The following KIAA0825 variants were observed in gnomAD, a reference collection of about 807,000 sequenced individuals.
The protein encoded by KIAA0825 is uncharacterized protein KIAA0825.
A neutral mutation model predicts 147.6 loss-of-function variants in KIAA0825; 119 were observed. That is an observed-to-expected ratio of 0.81 (90% CI 0.69 to 0.94). The LOEUF is 0.94. Ranked by LOEUF, KIAA0825 falls within the 40% of genes least tolerant of loss-of-function variation. KIAA0825 has a pLI of 0.00. For synonymous variants in KIAA0825, 470 were observed against 518.1 expected (o/e 0.91, Z 1.26); for missense variants, 1,381 against 1,472.7 (o/e 0.94, Z 1.02).
intron 20 of KIAA0825, among the ~76,000 whole-genome samples, chr5:94,374,773 CA>C (rs1209500850): frequency 6.6e-6 from 1 of 152,192 alleles, no homozygotes; most frequent in Non-Finnish European, 1.5e-5. Flanking sequence ...ATCAGCAACT[CA>C]GTCTGAAGTT....
chr5:94,275,322 C>A (rs1029375053), intron 20 of KIAA0825, among the ~76,000 whole-genome samples: 2 of 152,078 alleles, frequency 1.3e-5, no homozygotes, highest in Non-Finnish European at 2.9e-5. Flanking sequence ...GTGATCTTTG[C>A]AATGGATATC....
intron 2 of KIAA0825, among the ~76,000 whole-genome samples, chr5:94,547,715 C>G (rs986455897): frequency 1.5e-5 from 2 of 134,670 alleles, no homozygotes; most frequent in Admixed American, 1.7e-4. Context: ...CCAGCCTGCA[C>G]GACAGGGTAA....
Position 94,394,013 on chromosome 5 carries a change from A to AT in KIAA0825, c.3296+2087dup, listed in dbSNP as rs979059223. Among the ~76,000 whole-genome samples the AT allele has an allele frequency of 1.0e-4, 15 of 149,788 alleles. No homozygotes were observed. The South Asian group carries it at 1.1e-3, about 11-fold the overall frequency. ...AGGTGCCTACCACCACACCCAGCTA[A>AT]TTTTTTTTTTGTATTTTTTGTAGAG... On this transcript the variant is annotated intron_variant, in intron 17 of 20. Transcript: ENST00000682413.
chr5:94,336,439 G>A (rs1781804130), intron 20 of KIAA0825, among the ~76,000 whole-genome samples: 1 of 142,892 alleles, frequency 7.0e-6, no homozygotes, highest in Admixed American at 7.3e-5. Context: ...AGGCCCTAGT[G>A]TGTAATGTTC....
chr5:94,481,435 C>G (rs534329790), intron 6 of KIAA0825, among the ~76,000 whole-genome samples: 1 of 152,210 alleles, frequency 6.6e-6, no homozygotes, highest in East Asian at 1.9e-4. Context: ...GTGGGAACTA[C>G]AAGTCTTTCT....
chr5:94,492,776 G>T (rs1763885524), intron 5 of KIAA0825, among the ~76,000 whole-genome samples: 1 of 152,094 alleles, frequency 6.6e-6, no homozygotes, highest in South Asian at 2.1e-4. Context: ...AATTTTAACA[G>T]GAAATATTTT....
intron 17 of KIAA0825, among the ~76,000 whole-genome samples, chr5:94,392,991 A>C (rs1040076776): frequency 2.0e-5 from 3 of 152,208 alleles, no homozygotes; most frequent in Non-Finnish European, 4.4e-5. Flanking sequence ...GCAAAAAAAA[A>C]AAAAATTCTT....
intron 20 of KIAA0825, among the ~76,000 whole-genome samples, chr5:94,256,292 G>A (rs944103937): frequency 2.0e-5 from 3 of 152,072 alleles, no homozygotes; most frequent in Admixed American, 2.0e-4. Context: ...TCCTATTCAT[G>A]TCTCTATTAT....
At chr5:94,423,471 C>T (rs1754456392) in intron 14 of KIAA0825, among the ~76,000 whole-genome samples, 1 of 152,132 alleles carries the variant, frequency 6.6e-6, no homozygotes, top group Non-Finnish European at 1.5e-5. Flanking sequence ...AGGCAAGAAA[C>T]TCAACCACCA....
rs146683985 is a variant in KIAA0825 at position 94,561,225 on chromosome 5, G to A, written c.-2+21208C>T. Among the ~76,000 whole-genome samples, 479 of 152,254 alleles carry A rather than the reference G, an allele frequency of 3.1e-3. 3 individuals are homozygous for A. The highest frequency in any genetic ancestry group is 0.011 in the African/African-American group (446 of 41,540). On this transcript the variant is annotated intron_variant, in intron 2 of 20. Coordinates refer to ENST00000682413, the MANE Select transcript of KIAA0825 (RefSeq NM_001145678.3). Reference sequence around the variant, plus strand: ...GGAGGTTCAGGAAGTTTCCAAATTGGTGAACACATCCATGTCTTGAGAGGA... The same window carrying A: ...GGAGGTTCAGGAAGTTTCCAAATTGATGAACACATCCATGTCTTGAGAGGA...
chr5:94,300,996 T>C (rs1446815336), intron 20 of KIAA0825, among the ~76,000 whole-genome samples: 3 of 152,154 alleles, frequency 2.0e-5, no homozygotes, highest in African/African-American at 4.8e-5. Context: ...AGAGGATTAA[T>C]AGGTGGATGA....
intron 20 of KIAA0825, among the ~76,000 whole-genome samples, chr5:94,294,104 A>G (rs1778031023): frequency 6.6e-6 from 1 of 152,204 alleles, no homozygotes; most frequent in East Asian, 1.9e-4. Flanking sequence ...TATGTCTTCA[A>G]ATTGGGACAT....
intron 20 of KIAA0825, among the ~76,000 whole-genome samples, chr5:94,252,445 G>A (rs1440408454): frequency 6.6e-6 from 1 of 151,650 alleles, no homozygotes; most frequent in Non-Finnish European, 1.5e-5. Context: ...ACATATATGT[G>A]TGTGGGTGTG....
At chr5:94,507,564 T>C (rs1176305183) in intron 5 of KIAA0825, among the ~76,000 whole-genome samples, 1 of 151,846 alleles carries the variant, frequency 6.6e-6, no homozygotes, top group Non-Finnish European at 1.5e-5. Flanking sequence ...TCACACCACT[T>C]TGACATATAA....
intron 20 of KIAA0825, among the ~76,000 whole-genome samples, chr5:94,316,252 C>T (rs933470500): frequency 6.6e-6 from 1 of 151,448 alleles, no homozygotes; most frequent in Admixed American, 6.6e-5. Flanking sequence ...TTTACTATTA[C>T]TTTAAATAAA....
At chr5:94,521,739 GAC>G (rs914555353) in intron 4 of KIAA0825, among the ~76,000 whole-genome samples, 2 of 151,722 alleles carry the variant, frequency 1.3e-5, no homozygotes, top group African/African-American at 4.8e-5. Context: ...CTTTGAATTA[GAC>G]ACACACATTC....
chr5:94,508,785 G>A (rs1766092893), intron 5 of KIAA0825, among the ~76,000 whole-genome samples: 1 of 152,140 alleles, frequency 6.6e-6, no homozygotes, highest in Non-Finnish European at 1.5e-5. Context: ...GCCGAGCCTG[G>A]CACTAAGCTA....
chr5:94,386,023 G>T (rs1749093214), intron 19 of KIAA0825, among the ~76,000 whole-genome samples: 1 of 152,068 alleles, frequency 6.6e-6, no homozygotes, highest in Admixed American at 6.6e-5. Context: ...CCAGCCAAAA[G>T]TTAAGTTTTA....
At chr5:94,421,706 A>G (rs1484038075) in intron 14 of KIAA0825, among the ~76,000 whole-genome samples, 2 of 152,188 alleles carry the variant, frequency 1.3e-5, no homozygotes, top group African/African-American at 4.8e-5. Context: ...TAGAATATAT[A>G]TCAATCTAAA....
Sources: allele counts gnomAD v4.1 joint callset (sites outside exome capture counted in the v4.1 genomes callset), GRCh38; gene constraint gnomAD v4.1.1; transcripts MANE v1.5; gene names NCBI Gene and HGNC (gene_info 2026-07-23, HGNC 2026-07-21).